PRKAG2: variants seen among roughly 807,000 people sequenced by gnomAD.
PRKAG2 encodes 5'-AMP-activated protein kinase subunit gamma-2.
Under a neutral mutation model 69.6 loss-of-function variants are expected in PRKAG2, and 26 were observed. The observed-to-expected ratio is 0.37, with a 90% confidence interval of 0.27 to 0.52. The LOEUF (loss-of-function observed/expected upper bound fraction) is 0.52, where lower values mean the gene tolerates loss of function less well. Ranked by LOEUF, PRKAG2 falls within the 20% of genes least tolerant of loss-of-function variation. The probability of loss-of-function intolerance (pLI) is 0.90; values close to 1 mark genes in which losing one functional copy is unlikely to be tolerated. For synonymous variants in PRKAG2, 293 were observed against 285.0 expected (o/e 1.03, Z -0.28); for missense variants, 557 against 740.0 (o/e 0.75, Z 2.87).
chr7:151,749,845 T>A (rs2074547709), intron 3 of PRKAG2, among the ~76,000 whole-genome samples: 1 of 149,388 alleles, frequency 6.7e-6, no homozygotes, highest in African/African-American at 2.5e-5. Flanking sequence ...GCCTGTCATC[T>A]CAGCACTTTG....
intron 7 of PRKAG2, among the ~76,000 whole-genome samples, chr7:151,575,178 A>G (rs1259699842): frequency 1.3e-5 from 2 of 152,272 alleles, no homozygotes; most frequent in Non-Finnish European, 2.9e-5. Flanking sequence ...CTACGGAACT[A>G]ACCAGAGAAT....
At chr7:151,863,521 G>A (rs774583532) in intron 1 of PRKAG2, among the ~76,000 whole-genome samples, 6 of 152,116 alleles carry the variant, frequency 3.9e-5, no homozygotes, top group Non-Finnish European at 8.8e-5. Flanking sequence ...TTTCACCACT[G>A]AGTGGCCAAA....
intron 3 of PRKAG2, chr7:151,736,102 A>G: frequency 1.3e-6 from 2 of 1,503,116 alleles, no homozygotes; most frequent in South Asian, 1.3e-5. Flanking sequence ...CGACAGGCAC[A>G]GGGCGCCCCA....
At chr7:151,566,327 A>G (rs1806245885) in intron 11 of PRKAG2, among the ~76,000 whole-genome samples, 1 of 152,204 alleles carries the variant, frequency 6.6e-6, no homozygotes, top group Non-Finnish European at 1.5e-5. Context: ...AAAGCATTTG[A>G]CGGCAGCTGT....
rs998827513 is a variant in PRKAG2 at position 151,788,306 on chromosome 7, G to C, written c.115-1765C>G. On this transcript the variant is annotated intron_variant, in intron 1 of 15. Transcript: ENST00000287878. This position sits in a 1 kb window ranked among gnomAD's most constrained non-coding sequence, Gnocchi z 4.6. ...TCTGTGACAGCCATCTTAAGTGGGC[G>C]TGAGCTGGTATCTCATTGTGGTTTT... is the stretch of plus-strand genomic sequence containing the variant. Among the ~76,000 whole-genome samples, 1 of 152,232 alleles carries C rather than the reference G, an allele frequency of 6.6e-6. No individual in the cohort carries two copies. The highest frequency in any genetic ancestry group is 6.5e-5 in the Admixed American group (1 of 15,294).
intron 3 of PRKAG2, among the ~76,000 whole-genome samples, chr7:151,726,358 A>G (rs1452633042): frequency 6.9e-6 from 1 of 145,560 alleles, no homozygotes; most frequent in Non-Finnish European, 1.5e-5. Context: ...TTACAGAATC[A>G]CCAGGGAGGC....
chr7:151,761,656 T>G (rs894804776), intron 3 of PRKAG2, among the ~76,000 whole-genome samples: 3 of 152,216 alleles, frequency 2.0e-5, no homozygotes, highest in African/African-American at 7.2e-5. Context: ...GATAGATAAC[T>G]GTCCTGCATG....
intron 3 of PRKAG2, among the ~76,000 whole-genome samples, chr7:151,723,006 C>T (rs1018794034): frequency 4.6e-5 from 7 of 152,146 alleles, no homozygotes; most frequent in African/African-American, 1.7e-4. Context: ...ACATCCCCTG[C>T]AGCCTGCCCA....
rs184274533 is a variant in PRKAG2, at chr7:151,592,433, C to T, written c.864+2912G>A. On this transcript the variant is annotated intron_variant, in intron 6 of 15. Coordinates refer to ENST00000287878, the MANE Select transcript of PRKAG2 (RefSeq NM_016203.4). ...ACTGCAGGGAGTCCAGTCGGCCTCT[C>T]AAGAGACCGAAGATGGAAGCAGAAA... Among the ~76,000 whole-genome samples, 33 of 152,294 alleles carry T rather than the reference C, an allele frequency of 2.2e-4. No homozygotes were observed. In the East Asian group the frequency reaches 6.0e-3, roughly 28 times the overall value.
In PRKAG2 at chr7:151,568,851, G is replaced by A. The variant is rs1806877306; in HGVS notation, c.1107-9C>T. The A allele has an allele frequency of 3.1e-6, 5 of 1,613,492 alleles. No homozygotes were observed. The South Asian group carries it at 5.5e-5, about 18-fold the overall frequency. On this transcript the variant is annotated splice_polypyrimidine_tract_variant and intron_variant, in intron 10 of 15. Coordinates refer to ENST00000287878, the MANE Select transcript of PRKAG2 (RefSeq NM_016203.4). ...ATACAGCATCGAAGAGGCTGTGGGA[G>A]AAGTCATTAAAGTTGTTAGGAGGCT...
chr7:151,824,295 C>T (rs56922253), intron 1 of PRKAG2, among the ~76,000 whole-genome samples: 17,093 of 152,214 alleles, frequency 0.11, 1,106 homozygotes, highest in East Asian at 0.24. Context: ...TTGCTCCCCT[C>T]GGCTTTTCCC....
At chr7:151,808,964 C>T (rs73731304) in intron 1 of PRKAG2, among the ~76,000 whole-genome samples, 2,577 of 152,278 alleles carry the variant, frequency 0.017, 83 homozygotes, top group African/African-American at 0.058. Context: ...TTCTCTCCCG[C>T]GCTCCCCCTC....
chr7:151,843,104 A>G (rs2079349997), intron 1 of PRKAG2, among the ~76,000 whole-genome samples: 1 of 151,942 alleles, frequency 6.6e-6, no homozygotes. Context: ...CTATATATCT[A>G]TGTGCACAGA....
intron 4 of PRKAG2, among the ~76,000 whole-genome samples, chr7:151,636,394 T>C (rs1825743583): frequency 6.6e-6 from 1 of 152,200 alleles, no homozygotes; most frequent in Non-Finnish European, 1.5e-5. Flanking sequence ...GTATTTCTCA[T>C]CAATGGGATC....
At chr7:151,664,325 C>T (rs143030017) in intron 4 of PRKAG2, among the ~76,000 whole-genome samples, 214 of 152,182 alleles carry the variant, frequency 1.4e-3, no homozygotes, top group Non-Finnish European at 1.7e-3. Context: ...GAGATAAATC[C>T]GATATTCCCA....
intron 1 of PRKAG2, among the ~76,000 whole-genome samples, chr7:151,790,964 G>A (rs11973287): frequency 0.043 from 6,607 of 152,260 alleles, 483 homozygotes; most frequent in African/African-American, 0.15. Context: ...GCGGCTGCCC[G>A]GAGTGGTGGA....
chr7:151,817,187 G>T (rs1354654058), intron 1 of PRKAG2, among the ~76,000 whole-genome samples: 1 of 152,146 alleles, frequency 6.6e-6, no homozygotes, highest in Non-Finnish European at 1.5e-5. Flanking sequence ...CCTGGAGGGC[G>T]GAGTCAGCTG....
At chr7:151,623,278 C>T (rs1326591527) in intron 5 of PRKAG2, among the ~76,000 whole-genome samples, 1 of 140,478 alleles carries the variant, frequency 7.1e-6, no homozygotes, top group Non-Finnish European at 1.5e-5. Flanking sequence ...GCAGGAGAAT[C>T]GCTGGAACCT....
intron 3 of PRKAG2, among the ~76,000 whole-genome samples, chr7:151,779,510 T>C (rs377484827): frequency 6.8e-4 from 104 of 152,292 alleles, no homozygotes; most frequent in African/African-American, 2.4e-3. Context: ...GACCTTCCCA[T>C]GGGAGCCAGC....
Sources: allele counts gnomAD v4.1 joint callset (sites outside exome capture counted in the v4.1 genomes callset), GRCh38; gene constraint gnomAD v4.1.1; non-coding constraint Gnocchi (gnomAD v3.1); transcripts MANE v1.5; gene names NCBI Gene and HGNC (gene_info 2026-07-23, HGNC 2026-07-21).